The following CACNA1C variants were observed in gnomAD, a reference collection of about 807,000 sequenced individuals.
CACNA1C encodes the protein calcium voltage-gated channel subunit alpha1 C, also known as voltage-dependent L-type calcium channel subunit alpha-1C.
Under a neutral mutation model 229.0 loss-of-function variants are expected in CACNA1C, and 30 were observed. The ratio of observed to expected loss-of-function variants is 0.13; its 90% confidence interval spans 0.10 to 0.18. The LOEUF (loss-of-function observed/expected upper bound fraction) is 0.18, where lower values mean the gene tolerates loss of function less well. Among genes scored for constraint, CACNA1C ranks in the 10% least tolerant of loss-of-function variants. The pLI, the probability that CACNA1C is intolerant of heterozygous loss-of-function variation, is 1.00. For missense variants in CACNA1C, 1,658 were observed against 2,845.0 expected, an observed-to-expected ratio of 0.58 and a Z score of 9.49; for synonymous variants, 1,114 against 1,132.5, an observed-to-expected ratio of 0.98 and a Z score of 0.33.
intron 3 of CACNA1C, among the ~76,000 whole-genome samples, chr12:2,407,207 G>C (rs1261306505): frequency 6.6e-6 from 1 of 152,274 alleles, no homozygotes; most frequent in Non-Finnish European, 1.5e-5. Context: ...GCAGGGAAAG[G>C]GGGGCACACC....
chr12:2,374,774 T>C (rs1181336462), intron 3 of CACNA1C, among the ~76,000 whole-genome samples: 3 of 152,114 alleles, frequency 2.0e-5, no homozygotes. Flanking sequence ...AAATAAACCA[T>C]CTCCAGTCAA....
intron 6 of CACNA1C, among the ~76,000 whole-genome samples, chr12:2,491,702 G>A (rs1026153389): frequency 1.3e-5 from 2 of 152,110 alleles, no homozygotes; most frequent in Admixed American, 6.5e-5. Context: ...ACACAATCGG[G>A]CATATATTTT....
rs76894983 is a variant in CACNA1C at position 2,678,632 on chromosome 12, G to T, written c.5091+765G>T. 0.043 allele frequency among the ~76,000 whole-genome samples: 6,544 copies of T among 152,266 alleles called. 179 individuals carry two copies. Among genetic ancestry groups the T allele is most frequent in the Non-Finnish European group, 0.065 (4,395 of 68,026 alleles). On this transcript the variant is annotated intron_variant, in intron 41 of 46. Transcript: ENST00000399655. This position sits in a 1 kb window ranked among gnomAD's most constrained non-coding sequence, Gnocchi z 4.1. ...TTCCCAGGCTGTGGAACACACAGGG[G>T]GCAAGCTGAGCCCATCCTGCCCCTG...
chr12:2,449,255 T>A (rs1357336730), intron 4 of CACNA1C, 140 bp downstream of exon 4: 2 of 589,432 alleles, frequency 3.4e-6, no homozygotes, highest in Non-Finnish European at 5.5e-6. Flanking sequence ...AAAAATGAGA[T>A]TTATTTTGCT....
chr12:2,508,459 G>T (rs2099776601), intron 8 of CACNA1C, among the ~76,000 whole-genome samples: 1 of 152,202 alleles, frequency 6.6e-6, no homozygotes, highest in Admixed American at 6.5e-5. Context: ...AGATCAGCCT[G>T]GGCGACATAG....
At chr12:2,616,794 G>A (rs529230894) in intron 29 of CACNA1C, among the ~76,000 whole-genome samples, 1 of 152,356 alleles carries the variant, frequency 6.6e-6, no homozygotes, top group South Asian at 2.1e-4. Context: ...GGCCAGACTT[G>A]CCGCCTCATG....
At chr12:2,509,729 G>T (rs983801458) in intron 8 of CACNA1C, among the ~76,000 whole-genome samples, 2 of 152,244 alleles carry the variant, frequency 1.3e-5, no homozygotes, top group African/African-American at 2.4e-5. Context: ...GCACAAAAAT[G>T]AGAAAACATG....
intron 5 of CACNA1C, among the ~76,000 whole-genome samples, chr12:2,463,888 C>T (rs564718402): frequency 6.6e-6 from 1 of 152,326 alleles, no homozygotes; most frequent in South Asian, 2.1e-4. Flanking sequence ...TGCTGTGGAG[C>T]ATGCGTATTA....
chr12:2,592,287 G>A (rs754136265), intron 18 of CACNA1C, among the ~76,000 whole-genome samples: 4 of 152,184 alleles, frequency 2.6e-5, no homozygotes, highest in South Asian at 2.1e-4. Flanking sequence ...CTTACAGAGC[G>A]GCTGCTATGT....
intron 7 of CACNA1C, among the ~76,000 whole-genome samples, chr12:2,497,748 A>T (rs984383348): frequency 6.6e-6 from 1 of 152,172 alleles, no homozygotes; most frequent in Non-Finnish European, 1.5e-5. Context: ...AAATTAGGTT[A>T]TAAAAAATAC....
intron 6 of CACNA1C, among the ~76,000 whole-genome samples, chr12:2,492,691 C>T (rs900359603): frequency 7.2e-5 from 11 of 152,330 alleles, no homozygotes; most frequent in East Asian, 5.8e-4. Context: ...TGGATGGGAT[C>T]GGTTGGCTAA....
intron 3 of CACNA1C, among the ~76,000 whole-genome samples, chr12:2,278,897 G>A (rs953294868): frequency 1.3e-5 from 2 of 152,216 alleles, no homozygotes; most frequent in Non-Finnish European, 2.9e-5. Flanking sequence ...AACACCTGGT[G>A]TGGTCAGTAT....
At position 2,410,612 on chromosome 12, in the gene CACNA1C, C is replaced by A. The variant is rs965181971; in HGVS notation, c.478-38364C>A. ...TGTGTGTTCCAGGAGCTGACTCTAGCTGTGAGGATGGCTCGCCTGTGTGTG... is the reference window on the plus strand; with the variant it reads ...TGTGTGTTCCAGGAGCTGACTCTAGATGTGAGGATGGCTCGCCTGTGTGTG... On this transcript the variant is annotated intron_variant, in intron 3 of 46. Transcript: ENST00000399655. The surrounding 1 kb of genome is among the most constrained non-coding windows in gnomAD (Gnocchi z 5.3). 3.4e-5 allele frequency among the ~76,000 whole-genome samples: 5 copies of A among 148,622 alleles called. No homozygotes were observed. Among genetic ancestry groups the A allele is most frequent in the African/African-American group, 1.3e-4 (5 of 39,906 alleles).
chr12:2,322,129 A>C (rs964891716), intron 3 of CACNA1C, among the ~76,000 whole-genome samples: 2 of 152,226 alleles, frequency 1.3e-5, no homozygotes, highest in African/African-American at 4.8e-5. Flanking sequence ...TTGTGTGTGC[A>C]CATTGTTTAT....
At chr12:2,593,387 A>G (rs768681624) in intron 19 of CACNA1C, 42 bp downstream of exon 19, 3 of 1,607,170 alleles carry the variant, frequency 1.9e-6, no homozygotes, top group Non-Finnish European at 2.6e-6. Flanking sequence ...TGCTCTCTCT[A>G]GTACCAGCCT....
chr12:2,121,544 G>GCT (rs1172230582), intron 3 of CACNA1C, among the ~76,000 whole-genome samples: 1 of 152,232 alleles, frequency 6.6e-6, no homozygotes, highest in Non-Finnish European at 1.5e-5. Context: ...GTGTCTTGTG[G>GCT]CTCGGCTTGG....
intron 45 of CACNA1C, among the ~76,000 whole-genome samples, chr12:2,686,578 C>A (rs1389831604): frequency 1.3e-5 from 2 of 152,240 alleles, no homozygotes; most frequent in African/African-American, 4.8e-5. Context: ...ACAGATGCCA[C>A]TGACGCCTCT....
intron 3 of CACNA1C, among the ~76,000 whole-genome samples, chr12:2,188,203 C>T (rs557695919): frequency 7.9e-5 from 12 of 152,296 alleles, no homozygotes; most frequent in South Asian, 4.1e-4. Flanking sequence ...TGCCTTTCCG[C>T]ATATCAAACA....
intron 1 of CACNA1C, among the ~76,000 whole-genome samples, chr12:2,027,640 G>A (rs563976568): frequency 2.7e-4 from 41 of 152,106 alleles, no homozygotes; most frequent in Non-Finnish European, 5.0e-4. Context: ...CTTGAGCGTG[G>A]GCATTTAAAG....
Sources: allele counts gnomAD v4.1 joint callset (sites outside exome capture counted in the v4.1 genomes callset), GRCh38; gene constraint gnomAD v4.1.1; non-coding constraint Gnocchi (gnomAD v3.1); transcripts MANE v1.5; gene names NCBI Gene and HGNC (gene_info 2026-07-23, HGNC 2026-07-21).